Variants in GRID1 observed in about 807,000 individuals in gnomAD.
GRID1 encodes the protein glutamate receptor ionotropic, delta-1.
Under a neutral mutation model 98.0 loss-of-function variants are expected in GRID1, and 28 were observed. That is an observed-to-expected ratio of 0.29 (90% CI 0.21 to 0.39). The LOEUF is 0.39. GRID1 is among the 10% of genes least tolerant of loss of function. The pLI is 1.00. For synonymous variants in GRID1, 553 were observed against 538.5 expected, an observed-to-expected ratio of 1.03 and a Z score of -0.37; for missense variants, 1,111 against 1,340.5, an observed-to-expected ratio of 0.83 and a Z score of 2.67.
At chr10:85,887,801 T>C (rs1270745961) in intron 5 of GRID1, among the ~76,000 whole-genome samples, 1 of 152,204 alleles carries the variant, frequency 6.6e-6, no homozygotes, top group Non-Finnish European at 1.5e-5. Context: ...TTCAATAGGA[T>C]ACAATGTGTC....
intron 4 of GRID1, among the ~76,000 whole-genome samples, chr10:86,106,328 T>A (rs1844385973): frequency 6.6e-6 from 1 of 152,184 alleles, no homozygotes; most frequent in Non-Finnish European, 1.5e-5. Context: ...TTAGAAAGGC[T>A]TTGCAACCAC....
intron 8 of GRID1, among the ~76,000 whole-genome samples, chr10:85,780,354 C>A (rs1187577950): frequency 6.6e-6 from 1 of 152,194 alleles, no homozygotes; most frequent in African/African-American, 2.4e-5. Flanking sequence ...CAAACCCAGG[C>A]CTACCTGGAG....
intron 8 of GRID1, among the ~76,000 whole-genome samples, chr10:85,833,013 G>T (rs1002128777): frequency 6.6e-6 from 1 of 152,130 alleles, no homozygotes; most frequent in African/African-American, 2.4e-5. Context: ...CACAGCCCAG[G>T]AATCCTCTCT....
Position 85,602,667 on chromosome 10 carries a change from C to A in GRID1, c.2636G>T (p.Arg879Leu), listed in dbSNP as rs536785868. 6.2e-7 allele frequency: 1 copy of A among 1,613,190 alleles called. No individual in the cohort carries two copies. The highest frequency in any genetic ancestry group is 2.2e-5 in the East Asian group (1 of 44,860). The change falls in exon 16 of 16, where the codon CGC (arginine) becomes CTC (leucine). Residue 879 changes from arginine (R) to leucine (L), a missense_variant. Transcript: ENST00000327946. ...KEVNLEQVHR[R>L]MNSLMDEDIA... is the part of the protein sequence containing the mutation. ...GTCTTCATCCATGAGGCTGTTCATG[C>A]GCCGGTGGACCTGCTCCAAGTTCAC...
At chr10:86,301,039 A>T (rs563348376) in intron 2 of GRID1, among the ~76,000 whole-genome samples, 7 of 152,278 alleles carry the variant, frequency 4.6e-5, no homozygotes, top group Admixed American at 4.6e-4. Context: ...GCTAGTCCAT[A>T]TGTTTAGGCC....
chr10:86,325,796 C>A (rs944132304), intron 2 of GRID1, among the ~76,000 whole-genome samples: 1 of 152,184 alleles, frequency 6.6e-6, no homozygotes, highest in East Asian at 1.9e-4. Context: ...TGATAAAGGA[C>A]ATCTCCTAGA....
At chr10:85,773,621 C>A (rs1053939702) in intron 8 of GRID1, among the ~76,000 whole-genome samples, 2 of 152,186 alleles carry the variant, frequency 1.3e-5, no homozygotes, top group African/African-American at 4.8e-5. Context: ...GCAACTTCAG[C>A]AAAGTCTCAG....
intron 2 of GRID1, among the ~76,000 whole-genome samples, chr10:86,352,764 A>C (rs1018257130): frequency 2.6e-5 from 4 of 152,140 alleles, no homozygotes; most frequent in Non-Finnish European, 4.4e-5. Flanking sequence ...TTGGTTTTGC[A>C]TGGCCCCCTC....
chr10:85,985,821 G>A (rs1299172275), intron 4 of GRID1, among the ~76,000 whole-genome samples: 1 of 152,182 alleles, frequency 6.6e-6, no homozygotes, highest in African/African-American at 2.4e-5. Flanking sequence ...GGCCCACAGG[G>A]AGAGGCAAAA....
chr10:86,348,544 C>T (rs1191210503), intron 2 of GRID1, among the ~76,000 whole-genome samples: 1 of 152,234 alleles, frequency 6.6e-6, no homozygotes, highest in African/African-American at 2.4e-5. Context: ...GGCCAGCAGC[C>T]ACAGGGGCCT....
intron 4 of GRID1, among the ~76,000 whole-genome samples, chr10:86,118,030 A>G (rs1334403749): frequency 1.3e-5 from 2 of 152,344 alleles, no homozygotes; most frequent in South Asian, 2.1e-4. Flanking sequence ...ATAATTTGCA[A>G]TTTCAAAAAT....
At chr10:86,275,602 CAG>C (rs953886323) in intron 2 of GRID1, among the ~76,000 whole-genome samples, 54 of 152,022 alleles carry the variant, frequency 3.6e-4, no homozygotes, top group African/African-American at 1.1e-3. Flanking sequence ...AAGAAGCAAA[CAG>C]AAATTCTGGG....
rs998478214 is a variant in GRID1 at position 86,070,219 on chromosome 10, G to C, written c.726+68600C>G. 2.2e-4 allele frequency among the ~76,000 whole-genome samples: 34 copies of C among 152,150 alleles called. 1 individual carries two copies. Among genetic ancestry groups the C allele is most frequent in the African/African-American group, 8.0e-4 (33 of 41,438 alleles). ...TCTGGAATTAAATTCCTCTGGGCTGGGCTAACCAGAGGAGTAACAGCCATC... is the reference window on the plus strand; with the variant it reads ...TCTGGAATTAAATTCCTCTGGGCTGCGCTAACCAGAGGAGTAACAGCCATC... On this transcript the variant is annotated intron_variant, in intron 4 of 15. Coordinates refer to ENST00000327946, the MANE Select transcript of GRID1 (RefSeq NM_017551.3).
intron 4 of GRID1, among the ~76,000 whole-genome samples, chr10:85,953,197 A>G (rs1480701995): frequency 6.6e-6 from 1 of 152,128 alleles, no homozygotes; most frequent in Admixed American, 6.5e-5. Context: ...CAGCTATAAA[A>G]AAGAATGAGA....
In GRID1 at chr10:86,127,425, A is replaced by G. The variant is rs115287931; in HGVS notation, c.726+11394T>C. The stretch of plus-strand genomic sequence containing the variant: ...CAGTAACTAGCACTCCTGAGAAGCC[A>G]CTAGTAGCTGCTCCTGCTCATGTGC... On this transcript the variant is annotated intron_variant, in intron 4 of 15. Coordinates refer to ENST00000327946, the MANE Select transcript of GRID1 (RefSeq NM_017551.3). Among the ~76,000 whole-genome samples, 1,131 of 152,268 alleles carry G rather than the reference A, an allele frequency of 7.4e-3. 23 individuals carry two copies. Among genetic ancestry groups the G allele is most frequent in the African/African-American group, 0.026 (1,084 of 41,550 alleles).
chr10:86,088,343 C>T (rs1844094859), intron 4 of GRID1, among the ~76,000 whole-genome samples: 1 of 152,146 alleles, frequency 6.6e-6, no homozygotes, highest in Admixed American at 6.5e-5. Context: ...TCTGTTAATT[C>T]AGAACTAAAT....
chr10:86,180,237 G>T (rs1354622652), intron 3 of GRID1, among the ~76,000 whole-genome samples: 2 of 152,150 alleles, frequency 1.3e-5, no homozygotes, highest in Non-Finnish European at 1.5e-5. Context: ...ACCATGCCTG[G>T]GGCCCGCAGT....
intron 15 of GRID1, chr10:85,606,110 T>G (rs921981701): frequency 6.6e-6 from 1 of 152,194 alleles, no homozygotes; most frequent in Non-Finnish European, 1.5e-5. Context: ...TCTCTGCCAG[T>G]CTATTATTTC....
intron 3 of GRID1, among the ~76,000 whole-genome samples, chr10:86,176,373 G>C (rs1845575356): frequency 6.6e-6 from 1 of 152,172 alleles, no homozygotes; most frequent in Non-Finnish European, 1.5e-5. Flanking sequence ...TGGGGAACTT[G>C]GCCTTATTAT....
Sources: allele counts gnomAD v4.1 joint callset (sites outside exome capture counted in the v4.1 genomes callset), GRCh38; gene constraint gnomAD v4.1.1; transcripts MANE v1.5; gene names NCBI Gene and HGNC (gene_info 2026-07-23, HGNC 2026-07-21).